The following SLC25A10 variants were observed in gnomAD, a reference collection of about 807,000 sequenced individuals.
The protein encoded by SLC25A10 is mitochondrial dicarboxylate carrier.
A neutral mutation model predicts 40.4 loss-of-function variants in SLC25A10; 32 were observed. That is an observed-to-expected ratio of 0.79 (90% confidence interval 0.60 to 1.06). The LOEUF is 1.06. Among genes scored for constraint, SLC25A10 ranks in the 50% least tolerant of loss-of-function variants. The pLI, the probability that SLC25A10 is intolerant of heterozygous loss-of-function variation, is 0.00. For synonymous variants in SLC25A10, 181 were observed against 171.1 expected, an observed-to-expected ratio of 1.06 and a Z score of -0.45; for missense variants, 394 against 402.6, an observed-to-expected ratio of 0.98 and a Z score of 0.18.
Position 81,720,068 on chromosome 17 carries a change from G to T in SLC25A10, c.855G>T (p.Val285=). The T allele has an allele frequency of 6.2e-7, 1 of 1,612,914 alleles. No individual in the cohort carries two copies. Among genetic ancestry groups the T allele is most frequent in the Non-Finnish European group, 8.5e-7 (1 of 1,180,024 alleles). ...EQLRKNFGIK[V]PS is the part of the protein sequence containing the mutation. ...TACGCAAAAACTTTGGCATCAAAGT[G>T]CCATCCTGACCAGCCGTGGGAATGG... The change falls in exon 11 of 11, where the codon GTG becomes GTT. Residue 285 remains valine, a synonymous_variant. Transcript: ENST00000350690.
chr17:81,715,435 G>A (rs368858830), intron 2 of SLC25A10, 43 bp from the exon 3 acceptor site: 5 of 1,542,030 alleles, frequency 3.2e-6, no homozygotes, highest in Non-Finnish European at 4.5e-6. Flanking sequence ...GCTGAGGGGT[G>A]TGGGGCGTGC....
At chr17:81,718,347 T>C (rs1243071054) in intron 9 of SLC25A10, among the ~76,000 whole-genome samples, 1 of 151,812 alleles carries the variant, frequency 6.6e-6, no homozygotes, top group African/African-American at 2.4e-5. Context: ...TGGCTGGGTG[T>C]GGTGGCGTGC....
At chr17:81,719,739 G>A in intron 9 of SLC25A10, 92 bp from the exon 10 acceptor site, 1 of 1,493,466 alleles carries the variant, frequency 6.7e-7, no homozygotes, top group East Asian at 2.3e-5. Flanking sequence ...GAATGCCCAG[G>A]CCACCGTGCC....
chr17:81,719,837 T>C lies in SLC25A10; in HGVS notation c.712T>C (p.Phe238Leu). The change falls in exon 10 of 11, where the codon TTC becomes CTC. Residue 238 changes from phenylalanine to leucine, a missense_variant. By Grantham distance (22) the Phe-to-Leu change is conservative (BLOSUM62 0). Coordinates refer to ENST00000350690, the MANE Select transcript of SLC25A10 (RefSeq NM_012140.5). Reference sequence around the variant, plus strand: ...TTCACTGCGTTTTCTGCAGGGCGTTTTCCACTGCGCCGTGGAGACAGCGAA... The same window carrying C: ...TTCACTGCGTTTTCTGCAGGGCGTTCTCCACTGCGCCGTGGAGACAGCGAA... ...MNSKGEYQGV[F>L]HCAVETAKLG... 1 of 1,613,370 alleles carries C rather than the reference T, an allele frequency of 6.2e-7. No homozygotes were observed. The highest frequency in any genetic ancestry group is 8.5e-7 in the Non-Finnish European group (1 of 1,179,922).
rs537250787 is a variant in SLC25A10, at chr17:81,720,217, C to A, written c.*140C>A. ...TCCGCAGCAGGCCCCTGCTGTCCCC[C>A]CACCTGCTGGCTGAGCTCCTCCTGG... On this transcript the variant is annotated 3_prime_UTR_variant, in exon 11 of 11. Transcript: ENST00000350690. The A allele has an allele frequency of 1.4e-6, 2 of 1,464,406 alleles. No homozygotes were observed. The highest frequency in any genetic ancestry group is 9.0e-7 in the Non-Finnish European group (1 of 1,115,988). 90.7% of individuals were successfully genotyped at this position (1,464,406 alleles called of 1,614,324 possible).
At chr17:81,717,269 G>C in intron 7 of SLC25A10, 130 bp from the exon 8 acceptor site, 1 of 1,074,396 alleles carries the variant, frequency 9.3e-7, no homozygotes, top group Non-Finnish European at 1.4e-6. Flanking sequence ...TGCCTCCCCT[G>C]TCTGGGCCTC....
chr17:81,712,352 G>C lies in SLC25A10; in HGVS notation c.-75G>C. ...CCGGGCGCGGGGCGCGGGGCGCGGG[G>C]CGCTGCGGCCGGTACACGCCGGGGT... On this transcript the variant is annotated 5_prime_UTR_variant, in exon 1 of 11. Transcript: ENST00000350690. 1 of 1,010,416 alleles carries C rather than the reference G, an allele frequency of 9.9e-7. No individual in the cohort carries two copies. Among genetic ancestry groups the C allele is most frequent in the Non-Finnish European group, 1.3e-6 (1 of 795,978 alleles). The allele number at this position is 1,010,416 out of a possible 1,614,324, so 62.6% of individuals were successfully genotyped here.
intron 5 of SLC25A10, 26 bp from the exon 6 acceptor site, chr17:81,716,786 A>G (rs766938734): frequency 4.4e-6 from 7 of 1,598,868 alleles, no homozygotes; most frequent in Non-Finnish European, 6.0e-6. Context: ...GGGGAGTCTC[A>G]TGTGGTCATT....
rs746469007 is a variant in SLC25A10, at chr17:81,717,443, G to A, written c.579G>A (p.Gly193=). 1 of 1,613,532 alleles carries A rather than the reference G, an allele frequency of 6.2e-7. No individual in the cohort carries two copies. Among genetic ancestry groups the A allele is most frequent in the Non-Finnish European group, 8.5e-7 (1 of 1,179,930 alleles). The change falls in exon 8 of 11, where the codon GGG becomes GGA. Residue 193 remains glycine (G), a synonymous_variant. Transcript: ENST00000350690. ...CCAAGCAGCTGGTCCTTAGCACCGG[G>A]TACCTCTCTGACAACATCTTCACTC... The part of the protein sequence containing the change: ...DQAKQLVLST[G]YLSDNIFTHF...
At chr17:81,712,723 G>T (rs2037407175) in intron 1 of SLC25A10, among the ~76,000 whole-genome samples, 1 of 152,222 alleles carries the variant, frequency 6.6e-6, no homozygotes, top group Non-Finnish European at 1.5e-5. Flanking sequence ...CCTGCAGGGC[G>T]CAGCCGCGCT....
rs893317324 is a variant in SLC25A10 at position 81,720,332 on chromosome 17, G to T, written c.*255G>T. ...CACTGCGTGGCCTTGCCCCTCTCCC[G>T]CTGGCAGCTCCTCAGGGGAACAGGG... On this transcript the variant is annotated 3_prime_UTR_variant, in exon 11 of 11. Coordinates refer to ENST00000350690, the MANE Select transcript of SLC25A10 (RefSeq NM_012140.5). 8.4e-6 allele frequency: 12 copies of T among 1,425,552 alleles called. No individual in the cohort carries two copies. Among genetic ancestry groups the T allele is most frequent in the Non-Finnish European group, 1.1e-5 (12 of 1,095,328 alleles). 88.3% of individuals were successfully genotyped at this position (1,425,552 alleles called of 1,614,324 possible).
At position 81,717,054 on chromosome 17, in the gene SLC25A10, C is replaced by T. The variant is rs201512533; in HGVS notation, c.516C>T (p.Ala172=). Residue 172 remains alanine (A), a synonymous_variant, in exon 7 of 11, where the codon GCC becomes GCT. Transcript: ENST00000350690. ...SGATMASSRG[A]LVTVGQLSCY... is the part of the protein sequence containing the mutation. Reference sequence around the variant, plus strand: ...CAACCATGGCATCCAGCCGAGGGGCCTTAGTCACTGTGGGCCAGGTAGGCC... The same window carrying T: ...CAACCATGGCATCCAGCCGAGGGGCTTTAGTCACTGTGGGCCAGGTAGGCC... 1 of 1,613,786 alleles carries T rather than the reference C, an allele frequency of 6.2e-7. No homozygotes were observed. The highest frequency in any genetic ancestry group is 8.5e-7 in the Non-Finnish European group (1 of 1,179,980).
Position 81,712,418 on chromosome 17 carries a change from T to C in SLC25A10, c.-9T>C. ...TTGTGGTCGGGCCGGGATTGGGCTCTCCTGGGCCATGGCAGCCGAGGCGCG... is the reference window on the plus strand; with the variant it reads ...TTGTGGTCGGGCCGGGATTGGGCTCCCCTGGGCCATGGCAGCCGAGGCGCG... On this transcript the variant is annotated 5_prime_UTR_variant, in exon 1 of 11. Transcript: ENST00000350690. 1 of 1,298,206 alleles carries C rather than the reference T, an allele frequency of 7.7e-7. No individual in the cohort carries two copies. The highest frequency in any genetic ancestry group is 9.8e-7 in the Non-Finnish European group (1 of 1,024,558). 80.4% of individuals were successfully genotyped at this position (1,298,206 alleles called of 1,614,324 possible).
In SLC25A10 at chr17:81,720,350, G is replaced by C. The variant is rs2037568317; in HGVS notation, c.*273G>C. 7.0e-7 allele frequency: 1 copy of C among 1,420,678 alleles called. No homozygotes were observed. The highest frequency in any genetic ancestry group is 3.1e-5 in the Admixed American group (1 of 32,268). The allele number at this position is 1,420,678 out of a possible 1,614,324, so 88.0% of individuals were successfully genotyped here. ...CTCTCCCGCTGGCAGCTCCTCAGGGGAACAGGGGCTACCAGAGGCTGATTT... is the reference window on the plus strand; with the variant it reads ...CTCTCCCGCTGGCAGCTCCTCAGGGCAACAGGGGCTACCAGAGGCTGATTT... On this transcript the variant is annotated 3_prime_UTR_variant, in exon 11 of 11. Coordinates refer to ENST00000350690, the MANE Select transcript of SLC25A10 (RefSeq NM_012140.5).
intron 9 of SLC25A10, among the ~76,000 whole-genome samples, chr17:81,718,146 G>A (rs2037523058): frequency 6.6e-6 from 1 of 152,184 alleles, no homozygotes; most frequent in Admixed American, 6.5e-5. Context: ...AGGAGTTCAA[G>A]ACCAGCCTGG....
In SLC25A10 at chr17:81,712,355, C is replaced by G. The variant is rs1482087054; in HGVS notation, c.-72C>G. The G allele has an allele frequency of 1.1e-5, 11 of 1,032,884 alleles. No individual in the cohort carries two copies. The East Asian group carries it at 3.6e-4, about 34-fold the overall frequency. The allele number at this position is 1,032,884 out of a possible 1,614,324, so 64.0% of individuals were successfully genotyped here. ...GGCGCGGGGCGCGGGGCGCGGGGCG[C>G]TGCGGCCGGTACACGCCGGGGTAGG... On this transcript the variant is annotated 5_prime_UTR_variant, in exon 1 of 11. Transcript: ENST00000350690.
chr17:81,713,544 C>T (rs996185822), intron 1 of SLC25A10: 46 of 968,788 alleles, frequency 4.7e-5, no homozygotes, highest in Non-Finnish European at 5.5e-5. Context: ...CCTGAGACCT[C>T]ACTGGTCCTG....
rs374578989 is a variant in SLC25A10, at chr17:81,716,060, G to A, written c.419+10G>A. 94 of 1,594,616 alleles carry A rather than the reference G, an allele frequency of 5.9e-5. No homozygotes were observed. Among genetic ancestry groups the A allele is most frequent in the Middle Eastern group, 3.3e-4 (2 of 6,010 alleles). ...AGGGTCAGCGGCGCAAGTGAGTCAT[G>A]GGCGGCCTTCTCGGGGTGGTTGAGG... On this transcript the variant is annotated intron_variant, in intron 5 of 10. Coordinates refer to ENST00000350690, the MANE Select transcript of SLC25A10 (RefSeq NM_012140.5).
At position 81,717,025 on chromosome 17, in the gene SLC25A10, G is replaced by A; in HGVS notation, c.487G>A (p.Gly163Ser). The change falls in exon 7 of 11, where the codon GGT becomes AGT. Residue 163 changes from glycine to serine, a missense_variant. By Grantham distance (56) the Gly-to-Ser change is moderately conservative (BLOSUM62 0). Transcript: ENST00000350690. ...AGAGGGTCTCAGGAGACTGTTCTCG[G>A]GTGCAACCATGGCATCCAGCCGAGG... ...REEGLRRLFS[G>S]ATMASSRGAL... 6.2e-7 allele frequency: 1 copy of A among 1,613,754 alleles called. No individual in the cohort carries two copies. Among genetic ancestry groups the A allele is most frequent in the Non-Finnish European group, 8.5e-7 (1 of 1,179,958 alleles).
Sources: allele counts gnomAD v4.1 joint callset (sites outside exome capture counted in the v4.1 genomes callset), GRCh38; gene constraint gnomAD v4.1.1; transcripts MANE v1.5; gene names NCBI Gene and HGNC (gene_info 2026-07-23, HGNC 2026-07-21).